RAB11FIP5: variants seen among roughly 807,000 people sequenced by gnomAD.
RAB11FIP5 encodes rab11 family-interacting protein 5.
In RAB11FIP5, 48 loss-of-function variants were observed where a neutral mutation model predicts 85.1. That is an observed-to-expected ratio of 0.56 (90% CI 0.45 to 0.72). The LOEUF is 0.72. Ranked by LOEUF, RAB11FIP5 falls within the 30% of genes least tolerant of loss-of-function variation. RAB11FIP5 has a pLI of 0.00. For synonymous variants in RAB11FIP5, 729 were observed against 727.3 expected (o/e 1.00, Z -0.04); for missense variants, 1,491 against 1,687.0 (o/e 0.88, Z 2.04).
In RAB11FIP5 at chr2:73,086,847, C is replaced by T. The variant is rs79210742; in HGVS notation, c.1568+1203G>A. Among the ~76,000 whole-genome samples, 1,715 of 152,190 alleles carry T rather than the reference C, an allele frequency of 0.011. 36 individuals are homozygous for T. Among genetic ancestry groups the T allele is most frequent in the African/African-American group, 0.039 (1,628 of 41,478 alleles). ...AGCAAGGGAGGCAAGGGGTGGCATG[C>T]CCCTGAAACTGATCCACCCCCCCAT... On this transcript the variant is annotated intron_variant, in intron 3 of 5. Coordinates refer to ENST00000486777, the MANE Select transcript of RAB11FIP5 (RefSeq NM_001371272.1). This position sits in a 1 kb window ranked among gnomAD's most constrained non-coding sequence, Gnocchi z 4.4.
chr2:73,106,514 T>C (rs1558524443), intron 1 of RAB11FIP5, among the ~76,000 whole-genome samples: 1 of 152,144 alleles, frequency 6.6e-6, no homozygotes, highest in Non-Finnish European at 1.5e-5. Context: ...CCCCCACCAG[T>C]GGCCCACTCT....
In RAB11FIP5 at chr2:73,074,936, C is replaced by T; in HGVS notation, c.*585G>A. On this transcript the variant is annotated 3_prime_UTR_variant, in exon 6 of 6. Transcript: ENST00000486777. ...CCCCACAAACAGCTCCAGACTGAAG[C>T]AGACTCAGGACATGGCAGAGACTGG... 1 of 338,568 alleles carries T rather than the reference C, an allele frequency of 3.0e-6. No homozygotes were observed. The highest frequency in any genetic ancestry group is 2.4e-5 in the South Asian group (1 of 41,260). 21.0% of individuals were successfully genotyped at this position (338,568 alleles called of 1,614,324 possible).
chr2:73,105,406 C>A (rs1160559176), intron 1 of RAB11FIP5, among the ~76,000 whole-genome samples: 1 of 152,092 alleles, frequency 6.6e-6, no homozygotes, highest in Non-Finnish European at 1.5e-5. Context: ...CCATGCCCAG[C>A]TAATTTTTTG....
intron 4 of RAB11FIP5, among the ~76,000 whole-genome samples, chr2:73,077,014 G>A (rs528646938): frequency 7.2e-5 from 11 of 152,116 alleles, no homozygotes; most frequent in African/African-American, 2.2e-4. Flanking sequence ...CCTCCATTTC[G>A]TCTTCTGACC....
In RAB11FIP5 at chr2:73,112,682, C is replaced by T. The variant is rs1460500393; in HGVS notation, c.96G>A (p.Arg32=). ...TGCTGCCCGCTCCCGAGCTCTTGCC[C>T]CGCAGCCCGCGGGCCCGCAGCACCG... ...QVTVLRARGL[R]GKSSGAGSTS... Residue 32 remains arginine (R), a synonymous_variant, in exon 1 of 6, where the codon CGG becomes CGA. Coordinates refer to ENST00000486777, the MANE Select transcript of RAB11FIP5 (RefSeq NM_001371272.1). 2 of 1,587,692 alleles carry T rather than the reference C, an allele frequency of 1.3e-6. No individual in the cohort carries two copies. The highest frequency in any genetic ancestry group is 3.5e-5 in the Admixed American group (2 of 57,608).
chr2:73,088,175 G>A lies in RAB11FIP5; in HGVS notation c.1443C>T (p.Ser481=), dbSNP rs773343987. ...TGGGACCCCCCTTTTCCCCCAGAGA[G>A]CTTCGGCGACCCAACTCGCTCCGAC... ...GLSRSELGRR[S]SLGEKGGPIL... Residue 481 remains serine, a synonymous_variant, in exon 3 of 6, where the codon AGC becomes AGT. Transcript: ENST00000486777. 1.6e-5 allele frequency: 26 copies of A among 1,613,900 alleles called. No individual in the cohort carries two copies. The South Asian group carries it at 2.4e-4, about 15-fold the overall frequency.
At chr2:73,087,577 G>C (rs1290997925) in intron 3 of RAB11FIP5, among the ~76,000 whole-genome samples, 1 of 152,178 alleles carries the variant, frequency 6.6e-6, no homozygotes, top group Non-Finnish European at 1.5e-5. Context: ...CCGTCTCCCA[G>C]AGGGAAGTGA....
chr2:73,103,896 CT>C (rs915813622), intron 1 of RAB11FIP5, among the ~76,000 whole-genome samples: 4 of 152,142 alleles, frequency 2.6e-5, no homozygotes, highest in African/African-American at 9.7e-5. Flanking sequence ...ACCCATCCCC[CT>C]CCCCAGTGTG....
At chr2:73,107,584 G>A (rs562609726) in intron 1 of RAB11FIP5, among the ~76,000 whole-genome samples, 5 of 152,272 alleles carry the variant, frequency 3.3e-5, no homozygotes, top group African/African-American at 9.6e-5. Flanking sequence ...AGGGGAAGCT[G>A]CCAGGCCAGA....
chr2:73,076,210 C>T, intron 4 of RAB11FIP5, 28 bp from the exon 5 acceptor site: 1 of 1,555,576 alleles, frequency 6.4e-7, no homozygotes, highest in Non-Finnish European at 8.8e-7. Flanking sequence ...AGATGGGTTA[C>T]ACAGAGAGAA....
Position 73,088,160 on chromosome 2 carries a change from C to A in RAB11FIP5, c.1458G>T (p.Lys486Asn), listed in dbSNP as rs1235039223. 1.2e-6 allele frequency: 2 copies of A among 1,613,958 alleles called. No homozygotes were observed. The highest frequency in any genetic ancestry group is 2.7e-5 in the African/African-American group (2 of 74,932). Residue 486 changes from lysine (K) to asparagine (N), a missense_variant, in exon 3 of 6, where the codon AAG becomes AAT. Lys to Asn is a moderately conservative substitution (Grantham distance 94). Transcript: ENST00000486777. Reference sequence around the variant, plus strand: ...GGGAGGCCCCCAGGATGGGACCCCCCTTTTCCCCCAGAGAGCTTCGGCGAC... The same window carrying A: ...GGGAGGCCCCCAGGATGGGACCCCCATTTTCCCCCAGAGAGCTTCGGCGAC... ...ELGRRSSLGE[K>N]GGPILGASPH...
intron 1 of RAB11FIP5, among the ~76,000 whole-genome samples, chr2:73,092,214 G>C (rs916237094): frequency 1.3e-5 from 2 of 152,214 alleles, no homozygotes; most frequent in African/African-American, 4.8e-5. Context: ...TAGGGCAAAA[G>C]AGAAGGGTAT....
At chr2:73,094,784 C>G (rs776427557) in intron 1 of RAB11FIP5, among the ~76,000 whole-genome samples, 1 of 152,202 alleles carries the variant, frequency 6.6e-6, no homozygotes, top group Admixed American at 6.5e-5. Context: ...CCCGAGGACA[C>G]GCTGCTTCTG....
rs765022624 is a variant in RAB11FIP5 at position 73,112,740 on chromosome 2, G to A, written c.38C>T (p.Pro13Leu). The A allele has an allele frequency of 1.3e-6, 2 of 1,498,230 alleles. No homozygotes were observed. Among genetic ancestry groups the A allele is most frequent in the South Asian group, 1.3e-5 (1 of 77,902 alleles). 92.8% of individuals were successfully genotyped at this position (1,498,230 alleles called of 1,614,324 possible). A position where few individuals can be genotyped will look rare whatever the true frequency, so the allele number is the denominator to read the frequency against. ...GACGTGCGTGGGCAGCCAGCGGGAAGGCCCCGCCGCCGGCTCCGCGCCCCG... is the reference window on the plus strand; with the variant it reads ...GACGTGCGTGGGCAGCCAGCGGGAAAGCCCCGCCGCCGGCTCCGCGCCCCG... ...LVRGAEPAAG[P>L]SRWLPTHVQV... Residue 13 changes from proline (P) to leucine (L), a missense_variant, in exon 1 of 6, where the codon CCT becomes CTT. This residue lies in a region of RAB11FIP5 where 1,211 missense variants were observed against 1,338.0 expected (regional missense o/e 0.91). Transcript: ENST00000486777.
chr2:73,082,044 T>TC (rs1444234822), intron 3 of RAB11FIP5, among the ~76,000 whole-genome samples: 1 of 150,468 alleles, frequency 6.6e-6, no homozygotes, highest in African/African-American at 2.4e-5. Flanking sequence ...ACATCCCTTT[T>TC]TTTTTTTTTT....
Position 73,112,815 on chromosome 2 carries a change from G to A in RAB11FIP5, c.-38C>T. ...GGGGGCGAGGTCTGGCCGAGCCGGTGCAGACCCCAGGACCTGGTGACAAAC... is the reference window on the plus strand; with the variant it reads ...GGGGGCGAGGTCTGGCCGAGCCGGTACAGACCCCAGGACCTGGTGACAAAC... On this transcript the variant is annotated 5_prime_UTR_variant, in exon 1 of 6. Transcript: ENST00000486777. 6.4e-6 allele frequency: 9 copies of A among 1,397,170 alleles called. No homozygotes were observed. In the South Asian group the frequency reaches 1.1e-4, roughly 18 times the overall value. 86.5% of individuals were successfully genotyped at this position (1,397,170 alleles called of 1,614,324 possible). A position where few individuals can be genotyped will look rare whatever the true frequency, so the allele number is the denominator to read the frequency against.
At chr2:73,099,358 A>T (rs1684386232) in intron 1 of RAB11FIP5, among the ~76,000 whole-genome samples, 2 of 152,200 alleles carry the variant, frequency 1.3e-5, no homozygotes, top group Admixed American at 1.3e-4. Flanking sequence ...CCATTGGTGT[A>T]CTTTGCAATG....
In RAB11FIP5 at chr2:73,074,237, G is replaced by A. The variant is rs1683803339; in HGVS notation, c.*1284C>T. ...CAACAAAGGCTTTTTCCTAAGTATAGGTGTCTCCCAAAGGCATAGTGGGAC... is the reference window on the plus strand; with the variant it reads ...CAACAAAGGCTTTTTCCTAAGTATAAGTGTCTCCCAAAGGCATAGTGGGAC... On this transcript the variant is annotated 3_prime_UTR_variant, in exon 6 of 6. Transcript: ENST00000486777. 6.6e-6 allele frequency: 1 copy of A among 152,252 alleles called. No homozygotes were observed. Among genetic ancestry groups the A allele is most frequent in the African/African-American group, 2.4e-5 (1 of 41,458 alleles). 9.4% of individuals were successfully genotyped at this position (152,252 alleles called of 1,614,324 possible). A position where few individuals can be genotyped will look rare whatever the true frequency, so the allele number is the denominator to read the frequency against.
rs182999247 is a variant in RAB11FIP5 at position 73,081,482 on chromosome 2, C to A, written c.1750G>T (p.Ala584Ser). 5 of 1,234,288 alleles carry A rather than the reference C, an allele frequency of 4.1e-6. No homozygotes were observed. The highest frequency in any genetic ancestry group is 3.1e-5 in the African/African-American group (2 of 64,338). 76.5% of individuals were successfully genotyped at this position (1,234,288 alleles called of 1,614,324 possible). Residue 584 changes from alanine to serine, a missense_variant, in exon 4 of 6, where the codon GCC becomes TCC. This residue lies in a region of RAB11FIP5 where 1,211 missense variants were observed against 1,338.0 expected (regional missense o/e 0.91). Coordinates refer to ENST00000486777, the MANE Select transcript of RAB11FIP5 (RefSeq NM_001371272.1). This position sits in a 1 kb window ranked among gnomAD's most constrained non-coding sequence, Gnocchi z 4.2. The stretch of plus-strand genomic sequence containing the variant: ...AATCCAGGTGGGGTGGCTTCAGGGG[C>A]GGCGGTGGTGGCGGCAGCGGCAGCA... ...ATAAAAATTA[A>S]PEATPPGLLG...
Sources: gnomAD v4.1 joint callset for allele counts (sites outside exome capture counted in the v4.1 genomes callset) on GRCh38, gnomAD v4.1.1 for gene constraint, gnomAD v4.1.1 regional missense constraint, Gnocchi (gnomAD v3.1) non-coding constraint, MANE v1.5 for transcripts, NCBI Gene and HGNC (gene_info 2026-07-23, HGNC 2026-07-21) for gene names.